TRPM7: variants seen among roughly 807,000 people sequenced by gnomAD.
TRPM7 encodes transient receptor potential cation channel subfamily M member 7.
In TRPM7, 134 loss-of-function variants were observed where a neutral mutation model predicts 229.7. That is an observed-to-expected ratio of 0.58 (90% CI 0.51 to 0.67). The LOEUF (loss-of-function observed/expected upper bound fraction) is 0.67, where lower values mean the gene tolerates loss of function less well. TRPM7 is among the 30% of genes least tolerant of loss of function. The pLI is 0.00. For synonymous variants in TRPM7, 699 were observed against 715.2 expected (o/e 0.98, Z 0.36); for missense variants, 1,901 against 2,210.0 (o/e 0.86, Z 2.80).
At chr15:50,564,887 A>T (rs1471638345) in intron 38 of TRPM7, among the ~76,000 whole-genome samples, 2 of 152,200 alleles carry the variant, frequency 1.3e-5, no homozygotes. Flanking sequence ...CAGTGGAGAG[A>T]AACACAATTA....
chr15:50,653,222 G>A (rs150381396), intron 3 of TRPM7, among the ~76,000 whole-genome samples: 54 of 152,268 alleles, frequency 3.5e-4, no homozygotes, highest in African/African-American at 1.3e-3. Flanking sequence ...AGGCATAAGT[G>A]GGAGCATAGC....
chr15:50,609,538 C>G (rs756258283), intron 19 of TRPM7, 43 bp downstream of exon 19: 2 of 1,558,842 alleles, frequency 1.3e-6, no homozygotes, highest in Admixed American at 2.0e-5. Flanking sequence ...CCCCCAAAGC[C>G]TAACTCTTAA....
At chr15:50,590,907 G>A (rs2059473704) in intron 26 of TRPM7, among the ~76,000 whole-genome samples, 1 of 151,920 alleles carries the variant, frequency 6.6e-6, no homozygotes, top group Admixed American at 6.6e-5. Context: ...ATATAGCCTA[G>A]AAGTAATATC....
At chr15:50,652,771 T>C (rs536575701) in intron 3 of TRPM7, among the ~76,000 whole-genome samples, 3 of 151,986 alleles carry the variant, frequency 2.0e-5, no homozygotes, top group South Asian at 4.2e-4. Flanking sequence ...GAGGCTGAGG[T>C]GGGAAGACTG....
rs1347671235 is a variant in TRPM7, at chr15:50,591,996, G to C, written c.4239C>G (p.Ser1413Arg). 1 of 1,612,128 alleles carries C rather than the reference G, an allele frequency of 6.2e-7. No individual in the cohort carries two copies. Among genetic ancestry groups the C allele is most frequent in the East Asian group, 2.2e-5 (1 of 44,838 alleles). The change falls in exon 26 of 39, where the codon AGC becomes AGG. Residue 1413 changes from serine to arginine, a missense_variant. Around this residue, in one of 8 missense-constraint regions of TRPM7, gnomAD observed 533 missense variants for 497.1 expected, o/e 1.07. Coordinates refer to ENST00000646667, the MANE Select transcript of TRPM7 (RefSeq NM_017672.6). ...VSTPSQPSCK[S>R]HLETGTKDQE... Reference sequence around the variant, plus strand: ...GATCTTTGGTTCCAGTTTCCAAGTGGCTTTTGCAACTTGGCTGAGATGGTG... The same window carrying C: ...GATCTTTGGTTCCAGTTTCCAAGTGCCTTTTGCAACTTGGCTGAGATGGTG...
chr15:50,572,327 C>T (rs762526868), intron 36 of TRPM7, among the ~76,000 whole-genome samples: 2 of 152,126 alleles, frequency 1.3e-5, no homozygotes, highest in South Asian at 2.1e-4. Context: ...CTGCAGTCAT[C>T]GCAAACTTCA....
intron 23 of TRPM7, among the ~76,000 whole-genome samples, chr15:50,595,030 C>G (rs1490815619): frequency 6.6e-6 from 1 of 151,566 alleles, no homozygotes; most frequent in African/African-American, 2.4e-5. Flanking sequence ...ATAGTGAGAC[C>G]CTGTCTATTT....
chr15:50,651,551 C>T (rs916158563), intron 3 of TRPM7, among the ~76,000 whole-genome samples: 4 of 152,100 alleles, frequency 2.6e-5, no homozygotes, highest in African/African-American at 9.7e-5. Flanking sequence ...AATCCCAGCA[C>T]TTTGGGAGGC....
At chr15:50,679,781 C>T (rs1443736126) in intron 1 of TRPM7, among the ~76,000 whole-genome samples, 3 of 151,554 alleles carry the variant, frequency 2.0e-5, no homozygotes, top group African/African-American at 7.3e-5. Context: ...GCAATCCTCC[C>T]GCCTCAGCCT....
chr15:50,641,285 C>T (rs2061093943), intron 5 of TRPM7, among the ~76,000 whole-genome samples: 1 of 152,184 alleles, frequency 6.6e-6, no homozygotes, highest in Non-Finnish European at 1.5e-5. Flanking sequence ...TGCTTCTCTA[C>T]CACCATACAC....
chr15:50,659,645 T>C (rs1406794583), intron 2 of TRPM7, among the ~76,000 whole-genome samples: 1 of 151,518 alleles, frequency 6.6e-6, no homozygotes, highest in Non-Finnish European at 1.5e-5. Flanking sequence ...CTATAGAAAA[T>C]AAACTCCTTA....
At chr15:50,619,243 C>G (rs1397326222) in intron 13 of TRPM7, among the ~76,000 whole-genome samples, 1 of 142,510 alleles carries the variant, frequency 7.0e-6, no homozygotes, top group Middle Eastern at 3.8e-3. Flanking sequence ...TTTTTTGAGA[C>G]AGAGTCTCAC....
intron 21 of TRPM7, 110 bp downstream of exon 21, chr15:50,604,746 GCAAACAAACA>G: frequency 1.0e-6 from 1 of 995,134 alleles, no homozygotes; most frequent in South Asian, 1.8e-5. Flanking sequence ...GAAGTATGAG[GCAAACAAACA>G]CAAAATAAAA....
chr15:50,639,396 C>A lies in TRPM7; in HGVS notation c.660+28G>T, dbSNP rs114411475. The A allele has an allele frequency of 3.3e-4, 514 of 1,534,938 alleles. 1 individual carries two copies. In the African/African-American group the frequency reaches 6.1e-3, roughly 18 times the overall value. ...AATTTTGTTTACATATAATTTCAAA[C>A]ATAAGAAATTTTAAAAATAATTCTT... On this transcript the variant is annotated intron_variant, in intron 6 of 38. Transcript: ENST00000646667.
Position 50,664,266 on chromosome 15 carries a change from C to T in TRPM7, c.4-1220G>A, listed in dbSNP as rs74935532. The stretch of plus-strand genomic sequence containing the variant: ...CGGAGGTTGCAGTGAGCCGAGATCG[C>T]GCCACTGCACTCCAGCCTGGCGACA... On this transcript the variant is annotated intron_variant, in intron 1 of 38. Coordinates refer to ENST00000646667, the MANE Select transcript of TRPM7 (RefSeq NM_017672.6). Among the ~76,000 whole-genome samples the T allele has an allele frequency of 6.0e-4, 87 of 145,188 alleles. 1 individual carries two copies. In the East Asian group the frequency reaches 0.016, roughly 26 times the overall value.
At position 50,568,845 on chromosome 15, in the gene TRPM7, T is replaced by C. The variant is rs571095939; in HGVS notation, c.5467+1042A>G. ...AACCAAAACAACAATTAGCCAGGTG[T>C]TGTGGCACGTGCCTGTAGTCCCAGC... On this transcript the variant is annotated intron_variant, in intron 38 of 38. Coordinates refer to ENST00000646667, the MANE Select transcript of TRPM7 (RefSeq NM_017672.6). 4.6e-5 allele frequency among the ~76,000 whole-genome samples: 7 copies of C among 151,110 alleles called. 1 individual carries two copies. Among genetic ancestry groups the C allele is most frequent in the Middle Eastern group, 6.9e-3 (2 of 290 alleles).
At chr15:50,615,833 T>C (rs2060207605) in intron 13 of TRPM7, among the ~76,000 whole-genome samples, 1 of 152,074 alleles carries the variant, frequency 6.6e-6, no homozygotes, top group South Asian at 2.1e-4. Flanking sequence ...GATGCGGAAG[T>C]TGCAGTGAGC....
intron 3 of TRPM7, among the ~76,000 whole-genome samples, chr15:50,655,761 G>A (rs67588397): frequency 0.14 from 20,963 of 152,138 alleles, 1,474 homozygotes; most frequent in Middle Eastern, 0.2. Context: ...ACTTTGGGAG[G>A]CCAAGGCAGG....
At chr15:50,655,135 T>TAA (rs34148042) in intron 3 of TRPM7, among the ~76,000 whole-genome samples, 29,882 of 141,224 alleles carry the variant, frequency 0.21, 3,920 homozygotes, top group East Asian at 0.47. Context: ...AAAAGTTAAT[T>TAA]AAAAAAAAAA....
Sources: gnomAD v4.1 joint callset for allele counts (sites outside exome capture counted in the v4.1 genomes callset) on GRCh38, gnomAD v4.1.1 for gene constraint, gnomAD v4.1.1 regional missense constraint, MANE v1.5 for transcripts, NCBI Gene and HGNC (gene_info 2026-07-23, HGNC 2026-07-21) for gene names.